Variants in HPD observed in about 807,000 individuals in gnomAD.
HPD encodes 4-hydroxyphenylpyruvate dioxygenase, also known as 4-hydroxyphenylpyruvic acid oxidase.
In HPD, 35 loss-of-function variants were observed where a neutral mutation model predicts 56.9. The ratio of observed to expected loss-of-function variants is 0.62; its 90% CI spans 0.47 to 0.82. The LOEUF (loss-of-function observed/expected upper bound fraction) is 0.82, where lower values mean the gene tolerates loss of function less well. HPD is among the 40% of genes least tolerant of loss of function. The probability of loss-of-function intolerance (pLI) is 0.00; values close to 1 mark genes in which losing one functional copy is unlikely to be tolerated. For synonymous variants in HPD, 186 were observed against 200.2 expected (o/e 0.93, Z 0.60); for missense variants, 442 against 506.8 (o/e 0.87, Z 1.23).
chr12:121,847,310 C>T, intron 9 of HPD, 96 bp from the exon 10 acceptor site: 2 of 1,162,952 alleles, frequency 1.7e-6, no homozygotes, highest in Non-Finnish European at 2.6e-6. Context: ...CCTGAGCAGG[C>T]TCCAGAAAGG....
the HPD span, among the ~76,000 whole-genome samples, chr12:121,881,058 T>C: frequency 6.6e-6 from 1 of 152,202 alleles, no homozygotes; most frequent in Non-Finnish European, 1.5e-5. Context: ...CTCCCAGTGT[T>C]GGGATTACAG....
At chr12:121,850,096 A>G (rs1440476507) in intron 7 of HPD, among the ~76,000 whole-genome samples, 1 of 152,030 alleles carries the variant, frequency 6.6e-6, no homozygotes, top group East Asian at 1.9e-4. Flanking sequence ...GGTCAACTAG[A>G]TGAAGAACGC....
chr12:121,857,615 T>A (rs1168242296), intron 3 of HPD, 142 bp downstream of exon 3: 1 of 847,224 alleles, frequency 1.2e-6, no homozygotes, highest in Non-Finnish European at 2.0e-6. Context: ...GCTGGTGTAA[T>A]TAGGATTCAG....
chr12:121,876,871 A>T, the HPD span, among the ~76,000 whole-genome samples: 1 of 151,876 alleles, frequency 6.6e-6, no homozygotes, highest in African/African-American at 2.4e-5. Context: ...AAGTGGGAGG[A>T]TCACTTGAGG....
upstream of HPD, among the ~76,000 whole-genome samples, chr12:121,860,020 C>T (rs1167992794): frequency 6.6e-6 from 1 of 152,068 alleles, no homozygotes; most frequent in African/African-American, 2.4e-5. Context: ...TAGCTGGGCA[C>T]GGTGGTGCAC....
Position 121,847,146 on chromosome 12 carries a change from C to G in HPD, c.665G>C (p.Ser222Thr). The change falls in exon 10 of 14, where the codon AGC becomes ACC. Residue 222 changes from serine to threonine, a missense_variant. Physicochemically the swap from Ser to Thr is moderately conservative, Grantham distance 58. Transcript: ENST00000289004. The stretch of plus-strand genomic sequence containing the variant: ...GGCCACCACAATGGATCGCAGAGAG[C>G]TATATTCCGTGTGCACCTGCGTGTC... ...VDDTQVHTEY[S>T]SLRSIVVANY... 1 of 1,614,138 alleles carries G rather than the reference C, an allele frequency of 6.2e-7. No homozygotes were observed. The highest frequency in any genetic ancestry group is 1.1e-5 in the South Asian group (1 of 91,084).
chr12:121,854,007 T>C (rs1322850462), intron 7 of HPD, among the ~76,000 whole-genome samples: 1 of 151,824 alleles, frequency 6.6e-6, no homozygotes, highest in African/African-American at 2.4e-5. Flanking sequence ...CCCAGCACTT[T>C]GGGAGGCTGA....
chr12:121,869,365 A>G, the HPD span, among the ~76,000 whole-genome samples: 1 of 151,290 alleles, frequency 6.6e-6, no homozygotes. Context: ...AAAAAAAAAA[A>G]AAAAAAAAAT....
intron 9 of HPD, 64 bp from the exon 10 acceptor site, chr12:121,847,278 T>G: frequency 6.7e-7 from 1 of 1,484,926 alleles, no homozygotes; most frequent in East Asian, 2.3e-5. Context: ...CCATCACCCA[T>G]TTCCACCTTC....
chr12:121,850,487 T>C (rs888138003), intron 7 of HPD, among the ~76,000 whole-genome samples: 2 of 149,826 alleles, frequency 1.3e-5, no homozygotes, highest in Non-Finnish European at 3.0e-5. Flanking sequence ...TTTTTTTTTT[T>C]TTTTAAGGCG....
upstream of HPD, among the ~76,000 whole-genome samples, chr12:121,860,731 C>T (rs1407083068): frequency 6.6e-6 from 1 of 152,162 alleles, no homozygotes; most frequent in Non-Finnish European, 1.5e-5. Flanking sequence ...CTTGAAAATA[C>T]CCTGGTGTGC....
chr12:121,876,456 A>C, the HPD span, among the ~76,000 whole-genome samples: 9 of 152,144 alleles, frequency 5.9e-5, no homozygotes, highest in African/African-American at 2.2e-4. Context: ...GCCACCAGGG[A>C]GGCCGAACAG....
At chr12:121,846,616 C>T (rs994952615) in intron 11 of HPD, among the ~76,000 whole-genome samples, 2 of 152,184 alleles carry the variant, frequency 1.3e-5, no homozygotes, top group East Asian at 1.9e-4. Context: ...GGGACCATCA[C>T]CCAGGCTTCC....
chr12:121,888,602 G>C, the HPD span: 1 of 509,974 alleles, frequency 2.0e-6, no homozygotes, highest in Non-Finnish European at 3.6e-6. Flanking sequence ...GCGTTGGTGT[G>C]CAATTGCGTG....
chr12:121,854,926 A>G (rs1877940756), intron 6 of HPD, 134 bp from the exon 7 acceptor site: 1 of 712,664 alleles, frequency 1.4e-6, no homozygotes, highest in African/African-American at 1.8e-5. Flanking sequence ...TAGGAACCCC[A>G]GCCAGCTTCA....
At chr12:121,874,499 T>C in the HPD span, among the ~76,000 whole-genome samples, 36 of 151,952 alleles carry the variant, frequency 2.4e-4, no homozygotes, top group Admixed American at 9.8e-4. Flanking sequence ...GCGCCTGTAA[T>C]CCCAGCTACT....
At chr12:121,884,587 A>G in the HPD span, among the ~76,000 whole-genome samples, 1 of 145,772 alleles carries the variant, frequency 6.9e-6, no homozygotes, top group African/African-American at 2.6e-5. Flanking sequence ...GACTACAGAC[A>G]TGAGCCACTG....
At chr12:121,874,765 CTT>C in the HPD span, among the ~76,000 whole-genome samples, 136 of 146,274 alleles carry the variant, frequency 9.3e-4, no homozygotes, top group African/African-American at 2.5e-3. Flanking sequence ...TTGTCACTTT[CTT>C]TTTTTTTTTT....
chr12:121,848,205 C>G (rs1364240033), intron 9 of HPD, among the ~76,000 whole-genome samples: 1 of 152,148 alleles, frequency 6.6e-6, no homozygotes, highest in African/African-American at 2.4e-5. Flanking sequence ...CTCAAGTCCA[C>G]TGGTCTCCAT....
Sources: gnomAD v4.1 joint callset for allele counts (sites outside exome capture counted in the v4.1 genomes callset) on GRCh38, gnomAD v4.1.1 for gene constraint, MANE v1.5 for transcripts, NCBI Gene and HGNC (gene_info 2026-07-23, HGNC 2026-07-21) for gene names.